PTCHD4: variants seen among roughly 807,000 people sequenced by gnomAD.
PTCHD4 encodes the protein patched domain containing 4.
PTCHD4 carries 33 observed loss-of-function variants against 58.1 expected under a neutral mutation model. The ratio of observed to expected loss-of-function variants is 0.57; its 90% CI spans 0.43 to 0.76. The LOEUF is 0.76. Among genes scored for constraint, PTCHD4 ranks in the 30% least tolerant of loss-of-function variants. The probability of loss-of-function intolerance (pLI) is 0.00; values close to 1 mark genes in which losing one functional copy is unlikely to be tolerated. For missense variants in PTCHD4, 1,058 were observed against 1,027.1 expected (o/e 1.03, Z -0.41); for synonymous variants, 478 against 409.6 (o/e 1.17, Z -2.02).
At position 47,908,898 on chromosome 6, in the gene PTCHD4, A is replaced by G. The variant is rs535276866; in HGVS notation, c.899-28962T>C. 1.6e-4 allele frequency among the ~76,000 whole-genome samples: 25 copies of G among 152,336 alleles called. No homozygotes were observed. The East Asian group carries it at 3.9e-3, about 23-fold the overall frequency. ...GACTAATGATCCGTTTGAAAAGATT[A>G]CAATATGGAATAATGAAATAATAAT... On this transcript the variant is annotated intron_variant, in intron 4 of 4. Coordinates refer to ENST00000339488, the MANE Select transcript of PTCHD4 (RefSeq NM_001384253.1).
chr6:47,989,892 A>T (rs1768217451), intron 4 of PTCHD4, among the ~76,000 whole-genome samples: 2 of 152,264 alleles, frequency 1.3e-5, no homozygotes, highest in South Asian at 4.1e-4. Flanking sequence ...CCAGAACCGT[A>T]GATCCACCAA....
chr6:47,880,594 G>A (rs560251740), intron 4 of PTCHD4, among the ~76,000 whole-genome samples: 1 of 152,070 alleles, frequency 6.6e-6, no homozygotes, highest in African/African-American at 2.4e-5. Context: ...AAAAATCTTA[G>A]CAAGCACTTC....
At chr6:48,059,703 T>C (rs183995752) in intron 3 of PTCHD4, among the ~76,000 whole-genome samples, 135 of 152,220 alleles carry the variant, frequency 8.9e-4, no homozygotes, top group African/African-American at 3.1e-3. Context: ...GTCTGAGATG[T>C]AACACAATCT....
At chr6:47,938,640 G>T (rs1766101447) in intron 4 of PTCHD4, among the ~76,000 whole-genome samples, 1 of 152,206 alleles carries the variant, frequency 6.6e-6, no homozygotes, top group Non-Finnish European at 1.5e-5. Context: ...CATTGCATCA[G>T]GGAAAATTCA....
chr6:47,972,702 A>G (rs1220686113), intron 4 of PTCHD4, among the ~76,000 whole-genome samples: 2 of 152,020 alleles, frequency 1.3e-5, no homozygotes, highest in Non-Finnish European at 2.9e-5. Context: ...CCATTTATCC[A>G]TCTATCTTTT....
chr6:47,961,521 T>C (rs1029984690), intron 4 of PTCHD4, among the ~76,000 whole-genome samples: 2 of 152,056 alleles, frequency 1.3e-5, no homozygotes, highest in African/African-American at 4.8e-5. Context: ...CTCAAACACC[T>C]GGCCTCAAGT....
chr6:48,054,449 G>T (rs139154717), intron 3 of PTCHD4, among the ~76,000 whole-genome samples: 1 of 151,936 alleles, frequency 6.6e-6, no homozygotes, highest in African/African-American at 2.4e-5. Flanking sequence ...TTAAACTTAT[G>T]GAAGCATAAA....
chr6:48,090,522 C>A lies in PTCHD4; in HGVS notation c.-970+20527G>T, dbSNP rs184741098. Among the ~76,000 whole-genome samples the A allele has an allele frequency of 8.5e-4, 129 of 152,166 alleles. 1 individual carries two copies. The East Asian group carries it at 0.015, about 17-fold the overall frequency. The stretch of plus-strand genomic sequence containing the variant: ...GAGGTTATTCTGTCAATATCTGTGC[C>A]AGGATTTTAACTGAGACCTGCCTAA... On this transcript the variant is annotated intron_variant, in intron 1 of 4. Transcript: ENST00000339488.
chr6:47,970,670 T>C (rs1370441799), intron 4 of PTCHD4, among the ~76,000 whole-genome samples: 3 of 152,234 alleles, frequency 2.0e-5, no homozygotes, highest in African/African-American at 7.2e-5. Flanking sequence ...AACACAGTAC[T>C]GAAGAGTGAG....
intron 1 of PTCHD4, among the ~76,000 whole-genome samples, chr6:48,099,705 C>A (rs569190428): frequency 6.6e-6 from 1 of 152,200 alleles, no homozygotes; most frequent in African/African-American, 2.4e-5. Flanking sequence ...TGCCTCACTG[C>A]ATGTCTGAAG....
chr6:47,867,890 T>C lies in PTCHD4; in HGVS notation c.*10413A>G, dbSNP rs1002171454. ...AGAGACCAATATAGGTGCTCCTAAA[T>C]ATGAGGTAAGTAAATAGGTACAATC... On this transcript the variant is annotated 3_prime_UTR_variant, in exon 5 of 5. Coordinates refer to ENST00000339488, the MANE Select transcript of PTCHD4 (RefSeq NM_001384253.1). Among the ~76,000 whole-genome samples the C allele has an allele frequency of 3.3e-5, 5 of 151,738 alleles. No individual in the cohort carries two copies. Among genetic ancestry groups the C allele is most frequent in the Non-Finnish European group, 7.4e-5 (5 of 67,808 alleles).
At chr6:48,061,062 TTG>T (rs1052325874) in intron 3 of PTCHD4, among the ~76,000 whole-genome samples, 4 of 152,208 alleles carry the variant, frequency 2.6e-5, no homozygotes, top group African/African-American at 9.6e-5. Flanking sequence ...TTCTGTAATT[TTG>T]TGTTTCATTT....
chr6:47,964,521 G>A (rs947998833), intron 4 of PTCHD4, among the ~76,000 whole-genome samples: 5 of 152,092 alleles, frequency 3.3e-5, no homozygotes, highest in African/African-American at 7.2e-5. Flanking sequence ...AATTGTATAA[G>A]TACAAATTTC....
chr6:48,075,177 A>T (rs1372350208), intron 1 of PTCHD4, among the ~76,000 whole-genome samples: 2 of 152,180 alleles, frequency 1.3e-5, no homozygotes, highest in African/African-American at 4.8e-5. Flanking sequence ...TTAAGAGGGT[A>T]CATCAAAGAT....
chr6:48,062,256 A>G (rs776718478), intron 3 of PTCHD4, among the ~76,000 whole-genome samples: 12 of 152,188 alleles, frequency 7.9e-5, no homozygotes, highest in Non-Finnish European at 5.9e-5. Context: ...GGACATGGAA[A>G]GAAGTATGGT....
intron 1 of PTCHD4, among the ~76,000 whole-genome samples, chr6:48,099,552 T>C (rs934997410): frequency 4.6e-5 from 7 of 152,248 alleles, no homozygotes; most frequent in Non-Finnish European, 8.8e-5. Context: ...ATTCTCTGAT[T>C]ATTTCAGAAT....
rs1767814521 is a variant in PTCHD4 at position 47,979,792 on chromosome 6, G to C, written c.898+28842C>G. On this transcript the variant is annotated intron_variant, in intron 4 of 4. Coordinates refer to ENST00000339488, the MANE Select transcript of PTCHD4 (RefSeq NM_001384253.1). ...TTTGGAGAGGAGAATACTATCCTTA[G>C]GTAAAGCACTATAGAGATCTGAAAT... Among the ~76,000 whole-genome samples the C allele has an allele frequency of 2.6e-5, 4 of 151,926 alleles. No homozygotes were observed. The South Asian group carries it at 8.3e-4, about 32-fold the overall frequency.
chr6:47,888,704 T>C (rs961573258), intron 4 of PTCHD4, among the ~76,000 whole-genome samples: 4 of 151,606 alleles, frequency 2.6e-5, no homozygotes, highest in Admixed American at 2.6e-4. Flanking sequence ...ATGTGCACAT[T>C]GTGCAGGTTA....
At chr6:48,075,002 A>G (rs1378968550) in intron 1 of PTCHD4, among the ~76,000 whole-genome samples, 1 of 152,092 alleles carries the variant, frequency 6.6e-6, no homozygotes, top group East Asian at 1.9e-4. Flanking sequence ...ATTTAAATAG[A>G]ATATAAGCAT....
Sources: allele counts gnomAD v4.1 joint callset (sites outside exome capture counted in the v4.1 genomes callset), GRCh38; gene constraint gnomAD v4.1.1; transcripts MANE v1.5; gene names NCBI Gene and HGNC (gene_info 2026-07-23, HGNC 2026-07-21).